Variants in FHAD1 observed in about 807,000 individuals in gnomAD.
FHAD1 encodes forkhead-associated domain-containing protein 1.
In FHAD1, 146 loss-of-function variants were observed where a neutral mutation model predicts 191.3. That is an observed-to-expected ratio of 0.76 (90% CI 0.67 to 0.88). The LOEUF (loss-of-function observed/expected upper bound fraction) is 0.88. FHAD1 is among the 40% of genes least tolerant of loss of function. The pLI, the probability that FHAD1 is intolerant of heterozygous loss-of-function variation, is 0.00. For missense variants in FHAD1, 1,635 were observed against 1,785.8 expected (o/e 0.92, Z 1.52); for synonymous variants, 616 against 672.3 (o/e 0.92, Z 1.29).
intron 6 of FHAD1, among the ~76,000 whole-genome samples, chr1:15,306,680 G>C (rs922503802): frequency 6.6e-6 from 1 of 152,236 alleles, no homozygotes; most frequent in African/African-American, 2.4e-5. Flanking sequence ...TCAGAGGGTG[G>C]AAGCCCCAAG....
chr1:15,270,400 A>C (rs1380080266), intron 2 of FHAD1, among the ~76,000 whole-genome samples: 1 of 152,200 alleles, frequency 6.6e-6, no homozygotes, highest in Non-Finnish European at 1.5e-5. Context: ...TGACTTGTCA[A>C]GCGGGGTGAC....
At chr1:15,265,033 T>G (rs987100483) in intron 2 of FHAD1, among the ~76,000 whole-genome samples, 39 of 152,246 alleles carry the variant, frequency 2.6e-4, no homozygotes, top group African/African-American at 9.4e-4. Flanking sequence ...CACTTGGTCA[T>G]GGTGTATAAT....
Position 15,316,412 on chromosome 1 carries a change from A to T in FHAD1, c.1205A>T (p.Asp402Val), listed in dbSNP as rs190241309. The T allele has an allele frequency of 1.0e-4, 158 of 1,551,750 alleles. No individual in the cohort carries two copies. The African/African-American group carries it at 1.8e-3, about 18-fold the overall frequency. Residue 402 changes from aspartate (D) to valine (V), a missense_variant, in exon 9 of 34, where the codon GAT (aspartate) becomes GTT (valine). By Grantham distance (152) the Asp-to-Val change is radical. Coordinates refer to ENST00000688493, the MANE Select transcript of FHAD1 (RefSeq NM_001391957.1). The surrounding 1 kb of genome is among the most constrained non-coding windows in gnomAD (Gnocchi z 4.3). ...SVLKEELKQEDAHRELREAQE... is the reference protein window; with the variant it reads ...SVLKEELKQEVAHRELREAQE... Reference sequence around the variant, plus strand: ...CTAAAGGAAGAGTTAAAACAGGAAGATGCTCACAGGGAGCTCAGGGAAGCC... The same window carrying T: ...CTAAAGGAAGAGTTAAAACAGGAAGTTGCTCACAGGGAGCTCAGGGAAGCC...
At chr1:15,352,091 A>G (rs1691105891) in intron 19 of FHAD1, among the ~76,000 whole-genome samples, 1 of 152,312 alleles carries the variant, frequency 6.6e-6, no homozygotes, top group African/African-American at 2.4e-5. Context: ...AAAGAACAAA[A>G]TAAAAGTTGC....
intron 2 of FHAD1, among the ~76,000 whole-genome samples, chr1:15,259,157 C>G (rs1181364551): frequency 6.6e-6 from 1 of 152,056 alleles, no homozygotes; most frequent in Non-Finnish European, 1.5e-5. Context: ...TCTTCTGAGA[C>G]ACATTGCTGT....
At chr1:15,303,848 C>CAAAAAAAAAAAAAAAAAAAAAAA (rs765601462) in intron 6 of FHAD1, among the ~76,000 whole-genome samples, 1 of 104,428 alleles carries the variant, frequency 9.6e-6, no homozygotes, top group African/African-American at 3.2e-5. Flanking sequence ...GACTCTGTCT[C>CAAAAAAAAAAAAAAAAAAAAAAA]AAAAAAAAAA....
In FHAD1 at chr1:15,240,956, C is replaced by CAAA. The variant is rs55740154; in HGVS notation, c.-15+4213_-15+4215dup. Among the ~76,000 whole-genome samples, 7 of 124,806 alleles carry CAAA rather than the reference C, an allele frequency of 5.6e-5. No homozygotes were observed. The East Asian group carries it at 7.3e-4, about 13-fold the overall frequency. 81.9% of individuals were successfully genotyped at this position (124,806 alleles called of 152,430 possible). A position where few individuals can be genotyped will look rare whatever the true frequency, so the allele number is the denominator to read the frequency against. On this transcript the variant is annotated intron_variant, in intron 1 of 33. Coordinates refer to the FHAD1 transcript ENST00000683790. The stretch of plus-strand genomic sequence containing the variant: ...AGGCTGACAGAGCGAGACTCTATCT[C>CAAA]AAAAAAAAAAAAAAAAAAAAGAAAG...
intron 31 of FHAD1, among the ~76,000 whole-genome samples, chr1:15,385,524 G>A (rs1287216237): frequency 2.6e-5 from 4 of 152,268 alleles, no homozygotes; most frequent in African/African-American, 4.8e-5. Flanking sequence ...GGTAGCTCAC[G>A]TCTGTAATAT....
At chr1:15,380,594 C>T in intron 28 of FHAD1, 107 bp from the exon 29 acceptor site, 1 of 871,536 alleles carries the variant, frequency 1.1e-6, no homozygotes, top group Non-Finnish European at 1.8e-6. Context: ...GACTGAAAAT[C>T]AACTCTCTTG....
chr1:15,242,928 T>C (rs1225530960), upstream of FHAD1, among the ~76,000 whole-genome samples: 1 of 152,192 alleles, frequency 6.6e-6, no homozygotes, highest in African/African-American at 2.4e-5. Context: ...AAATGGATTG[T>C]TGTATACCCA....
chr1:15,330,301 G>T (rs1680686198), intron 14 of FHAD1, among the ~76,000 whole-genome samples: 1 of 152,192 alleles, frequency 6.6e-6, no homozygotes, highest in African/African-American at 2.4e-5. Context: ...CCTAGAGGTG[G>T]AGAGGTATGA....
intron 2 of FHAD1, among the ~76,000 whole-genome samples, chr1:15,262,518 ACCTCAG>A (rs1651557446): frequency 6.6e-6 from 1 of 152,100 alleles, no homozygotes; most frequent in Non-Finnish European, 1.5e-5. Context: ...TAATCCTCCT[ACCTCAG>A]CCTCACAAAG....
At chr1:15,291,225 GCACA>G (rs1664655500) in intron 4 of FHAD1, among the ~76,000 whole-genome samples, 1 of 151,314 alleles carries the variant, frequency 6.6e-6, no homozygotes, top group African/African-American at 2.4e-5. Context: ...GGGATTACAG[GCACA>G]CACCACCATG....
At chr1:15,264,078 GTTC>G (rs759222189) in intron 2 of FHAD1, among the ~76,000 whole-genome samples, 14 of 152,050 alleles carry the variant, frequency 9.2e-5, no homozygotes, top group East Asian at 1.9e-4. Context: ...ACTTCCAACT[GTTC>G]TTCTTTTTCA....
intron 16 of FHAD1, among the ~76,000 whole-genome samples, chr1:15,342,840 T>C (rs550850762): frequency 7.9e-5 from 12 of 151,956 alleles, no homozygotes; most frequent in Non-Finnish European, 1.5e-4. Context: ...TTATTTTTTT[T>C]TGTAGAGATG....
At chr1:15,399,431 T>C (rs1488240920), downstream of FHAD1, among the ~76,000 whole-genome samples, 3 of 152,054 alleles carry the variant, frequency 2.0e-5, no homozygotes, top group Non-Finnish European at 4.4e-5. Context: ...GCTGGCATGG[T>C]GGTGTGTGCC....
At position 15,324,564 on chromosome 1, in the gene FHAD1, G is replaced by GCATGT. The variant is rs201119219; in HGVS notation, c.1473+6_1473+10dup. 1,212 of 1,542,796 alleles carry GCATGT rather than the reference G, an allele frequency of 7.9e-4. 9 individuals carry two copies. The African/African-American group carries it at 0.014, about 18-fold the overall frequency. ...TTGGAGAGGGCAGTAGGTCAGGTAG[G>GCATGT]CATGTTCCAGAGCCCCCCTCATTGG... On this transcript the variant is annotated splice_donor_region_variant and intron_variant, in intron 11 of 33. Coordinates refer to ENST00000688493, the MANE Select transcript of FHAD1 (RefSeq NM_001391957.1).
At chr1:15,324,590 C>A in intron 11 of FHAD1, 31 bp downstream of exon 11, 1 of 1,438,504 alleles carries the variant, frequency 7.0e-7, no homozygotes, top group Non-Finnish European at 9.6e-7. Context: ...CCCTCATTGG[C>A]CCACGCTCTC....
At chr1:15,254,390 G>A (rs139118154) in intron 2 of FHAD1, among the ~76,000 whole-genome samples, 209 of 152,234 alleles carry the variant, frequency 1.4e-3, no homozygotes, top group African/African-American at 4.8e-3. Context: ...TATTTCACAG[G>A]GCTGTAGGGA....
Sources: gnomAD v4.1 joint callset for allele counts (sites outside exome capture counted in the v4.1 genomes callset) on GRCh38, gnomAD v4.1.1 for gene constraint, Gnocchi (gnomAD v3.1) non-coding constraint, MANE v1.5 for transcripts, NCBI Gene and HGNC (gene_info 2026-07-23, HGNC 2026-07-21) for gene names.